The following ANKMY1 variants were observed in gnomAD, a reference collection of about 807,000 sequenced individuals.
ANKMY1 encodes ankyrin repeat and MYND domain containing 1, also known as ankyrin repeat and MYND domain-containing protein 1.
A neutral mutation model predicts 102.0 loss-of-function variants in ANKMY1; 98 were observed. The observed-to-expected ratio is 0.96, with a 90% confidence interval of 0.82 to 1.14. The LOEUF (loss-of-function observed/expected upper bound fraction) is 1.14, where lower values mean the gene tolerates loss of function less well. ANKMY1 is among the 50% of genes most tolerant of loss of function. The pLI, the probability that ANKMY1 is intolerant of heterozygous loss-of-function variation, is 0.00. For synonymous variants in ANKMY1, 582 were observed against 559.9 expected (o/e 1.04, Z -0.56); for missense variants, 1,330 against 1,347.6 (o/e 0.99, Z 0.20).
At position 240,481,108 on chromosome 2, in the gene ANKMY1, GCCTCA is replaced by G. The variant is rs1171194867; in HGVS notation, c.2886-16_2886-12del. The G allele has an allele frequency of 1.2e-6, 2 of 1,601,714 alleles. No homozygotes were observed. Among genetic ancestry groups the G allele is most frequent in the Non-Finnish European group, 1.7e-6 (2 of 1,170,030 alleles). ...TTGAAGAAGGGAATTCTGCAACAGA[GCCTCA>G]CCGTCAGCAGGCGGCCACTCCAGAA... On this transcript the variant is annotated splice_polypyrimidine_tract_variant and intron_variant, in intron 16 of 17. Coordinates refer to ENST00000401804, the MANE Select transcript of ANKMY1 (RefSeq NM_001282771.3).
At chr2:240,478,348 C>T (rs554179102), downstream of ANKMY1, among the ~76,000 whole-genome samples, 2 of 152,228 alleles carry the variant, frequency 1.3e-5, no homozygotes, top group African/African-American at 4.8e-5. Context: ...TAGATATTCT[C>T]TAACTTTTAT....
intron 13 of ANKMY1, among the ~76,000 whole-genome samples, chr2:240,501,601 C>T (rs1346219284): frequency 6.6e-6 from 1 of 152,212 alleles, no homozygotes; most frequent in African/African-American, 2.4e-5. Flanking sequence ...CACAACTCCC[C>T]CAGTGAGATC....
At chr2:240,551,650 T>C (rs906373210) in intron 4 of ANKMY1, among the ~76,000 whole-genome samples, 2 of 152,192 alleles carry the variant, frequency 1.3e-5, no homozygotes, top group African/African-American at 4.8e-5. Context: ...AAAACTCTAT[T>C]TAGATTAACC....
At chr2:240,524,584 C>G (rs56027150) in intron 7 of ANKMY1, among the ~76,000 whole-genome samples, 25,054 of 152,226 alleles carry the variant, frequency 0.16, 2,212 homozygotes, top group Middle Eastern at 0.3. Flanking sequence ...CTGCACCTGA[C>G]CAGGCCACAC....
At chr2:240,512,654 G>T in intron 10 of ANKMY1, 148 bp downstream of exon 10, 1 of 1,130,866 alleles carries the variant, frequency 8.8e-7, no homozygotes. Flanking sequence ...ATCTGGACGG[G>T]TTGTTTCTAT....
chr2:240,521,699 CGT>C (rs1237637857), intron 8 of ANKMY1, among the ~76,000 whole-genome samples: 1 of 151,850 alleles, frequency 6.6e-6, no homozygotes, highest in Non-Finnish European at 1.5e-5. Flanking sequence ...GGGGTTTCAC[CGT>C]GTTAGCCAGG....
chr2:240,516,329 G>T (rs2081209320), intron 9 of ANKMY1, among the ~76,000 whole-genome samples: 1 of 152,024 alleles, frequency 6.6e-6, no homozygotes, highest in South Asian at 2.1e-4. Context: ...TTTTTGGGGG[G>T]TATTGGGTCC....
At chr2:240,518,386 C>T (rs1229766099) in intron 9 of ANKMY1, among the ~76,000 whole-genome samples, 3 of 152,050 alleles carry the variant, frequency 2.0e-5, no homozygotes, top group Non-Finnish European at 4.4e-5. Flanking sequence ...TTTCTTAGCC[C>T]TCCTAATTCC....
chr2:240,557,978 C>G lies in ANKMY1; in HGVS notation c.-115G>C. 1 of 985,496 alleles carries G rather than the reference C, an allele frequency of 1.0e-6. No individual in the cohort carries two copies. Among genetic ancestry groups the G allele is most frequent in the African/African-American group, 1.7e-5 (1 of 57,244 alleles). The allele number at this position is 985,496 out of a possible 1,614,324, so 61.0% of individuals were successfully genotyped here. ...GCTCCCGTCCCGACTGCTTGCCAGC[C>G]CTGCGCCTACGGAGAGCGTCGCGTT... On this transcript the variant is annotated 5_prime_UTR_variant, in exon 1 of 18. Coordinates refer to ENST00000401804, the MANE Select transcript of ANKMY1 (RefSeq NM_001282771.3).
Position 240,520,780 on chromosome 2 carries a change from C to A in ANKMY1, c.1833-247G>T, listed in dbSNP as rs2082081672. On this transcript the variant is annotated intron_variant, in intron 8 of 17. Coordinates refer to ENST00000401804, the MANE Select transcript of ANKMY1 (RefSeq NM_001282771.3). The surrounding 1 kb of genome is among the most constrained non-coding windows in gnomAD (Gnocchi z 4.8). ...AGCACACCACACAGCACACTCACAA[C>A]CACACCCACAGCACACCACACAGTA... 6.7e-6 allele frequency among the ~76,000 whole-genome samples: 1 copy of A among 149,058 alleles called. No individual in the cohort carries two copies. Among genetic ancestry groups the A allele is most frequent in the South Asian group, 2.1e-4 (1 of 4,664 alleles).
At chr2:240,561,013 C>T (rs571854171), upstream of ANKMY1, 55 of 1,534,224 alleles carry the variant, frequency 3.6e-5, no homozygotes, top group South Asian at 2.7e-4. Context: ...CGCAGCCGCT[C>T]GGCCGCCGTC....
At chr2:240,531,780 A>G (rs1287594266) in intron 4 of ANKMY1, among the ~76,000 whole-genome samples, 3 of 152,230 alleles carry the variant, frequency 2.0e-5, no homozygotes, top group Non-Finnish European at 4.4e-5. Flanking sequence ...GGGGGATGAT[A>G]GAAATATTCT....
At chr2:240,535,156 G>T (rs1391539275) in intron 4 of ANKMY1, among the ~76,000 whole-genome samples, 1 of 152,232 alleles carries the variant, frequency 6.6e-6, no homozygotes, top group African/African-American at 2.4e-5. Context: ...CTCAGAACAT[G>T]TGCCCAAGGT....
At chr2:240,545,965 A>G (rs1348109326) in intron 4 of ANKMY1, among the ~76,000 whole-genome samples, 2 of 152,200 alleles carry the variant, frequency 1.3e-5, no homozygotes, top group Admixed American at 6.5e-5. Context: ...AACTTCCCCA[A>G]TCTAGCAAGG....
In ANKMY1 at chr2:240,499,122, A is replaced by G. The variant is rs1245997187; in HGVS notation, c.2806+836T>C. ...CACCTGGGGTGTTGCTCAGTGGGGG[A>G]CTGTGTGAGGCTGCAGGAGGCTACT... is the stretch of plus-strand genomic sequence containing the variant. On this transcript the variant is annotated intron_variant, in intron 15 of 17. Coordinates refer to ENST00000401804, the MANE Select transcript of ANKMY1 (RefSeq NM_001282771.3). The surrounding 1 kb of genome is among the most constrained non-coding windows in gnomAD (Gnocchi z 4.2). Among the ~76,000 whole-genome samples, 1 of 151,704 alleles carries G rather than the reference A, an allele frequency of 6.6e-6. No individual in the cohort carries two copies. The highest frequency in any genetic ancestry group is 1.5e-5 in the Non-Finnish European group (1 of 67,902).
At chr2:240,496,404 ATAGATAG>A (rs2077274169) in intron 15 of ANKMY1, among the ~76,000 whole-genome samples, 1 of 112,746 alleles carries the variant, frequency 8.9e-6, no homozygotes, top group Admixed American at 9.7e-5. Flanking sequence ...AGATAGATAG[ATAGATAG>A]ATGTGCTTGA....
chr2:240,560,784 G>C, upstream of ANKMY1: 3 of 1,459,162 alleles, frequency 2.1e-6, no homozygotes. Context: ...CGCGCGAGCC[G>C]CGGGCGCGGA....
chr2:240,512,881 A>G lies in ANKMY1; in HGVS notation c.2066T>C (p.Ile689Thr), dbSNP rs780124947. The change falls in exon 10 of 18, where the codon ATT (isoleucine) becomes ACT (threonine). Residue 689 changes from isoleucine (I) to threonine (T), a missense_variant. Coordinates refer to ENST00000401804, the MANE Select transcript of ANKMY1 (RefSeq NM_001282771.3). ...AALPGEEGVQ[I>T]VELLLHAITD... ...GATGGCATGCAACAGCAGCTCCACA[A>G]TCTGTACCCCCTCCTCCCCAGGAAG... is the stretch of plus-strand genomic sequence containing the variant. 6.8e-6 allele frequency: 11 copies of G among 1,613,958 alleles called. No homozygotes were observed. The highest frequency in any genetic ancestry group is 3.3e-4 in the Middle Eastern group (2 of 6,080).
At chr2:240,485,253 G>C (rs537465761) in intron 15 of ANKMY1, among the ~76,000 whole-genome samples, 3 of 152,100 alleles carry the variant, frequency 2.0e-5, no homozygotes, top group South Asian at 4.1e-4. Context: ...GCGTGAACCC[G>C]GGAGGTGGAG....
Sources: allele counts gnomAD v4.1 joint callset (sites outside exome capture counted in the v4.1 genomes callset), GRCh38; gene constraint gnomAD v4.1.1; non-coding constraint Gnocchi (gnomAD v3.1); transcripts MANE v1.5; gene names NCBI Gene and HGNC (gene_info 2026-07-23, HGNC 2026-07-21).